TTC6: variants seen among roughly 807,000 people sequenced by gnomAD.
TTC6 encodes tetratricopeptide repeat domain 6.
Under a neutral mutation model 210.4 loss-of-function variants are expected in TTC6, and 172 were observed. That is an observed-to-expected ratio of 0.82 (90% CI 0.72 to 0.93). The LOEUF (loss-of-function observed/expected upper bound fraction) is 0.93. TTC6 is among the 40% of genes least tolerant of loss of function. The pLI, the probability that TTC6 is intolerant of heterozygous loss-of-function variation, is 0.00. For missense variants in TTC6, 2,414 were observed against 2,318.1 expected (o/e 1.04, Z -0.85); for synonymous variants, 804 against 819.6 (o/e 0.98, Z 0.32).
intron 1 of TTC6, among the ~76,000 whole-genome samples, chr14:37,656,500 GGTGT>G (rs773271218): frequency 7.3e-6 from 1 of 137,188 alleles, no homozygotes; most frequent in African/African-American, 2.8e-5. Flanking sequence ...AACCTAGTCA[GGTGT>G]GTGTGTGTGC....
At chr14:37,714,361 A>C (rs2095849163) in intron 5 of TTC6, among the ~76,000 whole-genome samples, 1 of 143,386 alleles carries the variant, frequency 7.0e-6, no homozygotes, top group Non-Finnish European at 1.6e-5. Flanking sequence ...AAGGTAAAGA[A>C]GTTTTTTTTT....
chr14:37,826,244 A>C (rs776399606), exon 28 of TTC6: 6 of 1,612,060 alleles, frequency 3.7e-6, no homozygotes, highest in Middle Eastern at 3.3e-4. Flanking sequence ...ATTGCCATAG[A>C]TACTGATCCA....
chr14:37,760,503 T>A (rs962384738), intron 14 of TTC6, among the ~76,000 whole-genome samples: 8 of 152,212 alleles, frequency 5.3e-5, no homozygotes, highest in Admixed American at 5.2e-4. Flanking sequence ...GGAGGCAGTC[T>A]GTCCCTTAGC....
At chr14:37,733,498 T>C (rs2095893441) in intron 7 of TTC6, among the ~76,000 whole-genome samples, 1 of 152,182 alleles carries the variant, frequency 6.6e-6, no homozygotes, top group Non-Finnish European at 1.5e-5. Flanking sequence ...TTTATCTGAG[T>C]ATAATATATT....
chr14:37,624,788 ATTTTTTGTAT>A (rs1411836506), intron 1 of TTC6, among the ~76,000 whole-genome samples: 1 of 151,746 alleles, frequency 6.6e-6, no homozygotes, highest in Admixed American at 6.6e-5. Flanking sequence ...TGCCCGGCTA[ATTTTTTGTAT>A]TTTTAGTAGA....
exon 14 of TTC6, chr14:37,753,218 C>T (rs1377990912): frequency 1.3e-6 from 2 of 1,529,886 alleles, no homozygotes; most frequent in South Asian, 2.4e-5. Flanking sequence ...ATATAGATCA[C>T]CAAAATTCTC....
intron 3 of TTC6, among the ~76,000 whole-genome samples, chr14:37,693,639 A>C (rs940612905): frequency 6.6e-6 from 1 of 152,216 alleles, no homozygotes. Flanking sequence ...AACCCCAAAC[A>C]AATAAAAACA....
intron 2 of TTC6, among the ~76,000 whole-genome samples, chr14:37,613,691 T>C (rs1018322589): frequency 2.0e-5 from 3 of 152,046 alleles, no homozygotes; most frequent in Admixed American, 1.3e-4. Context: ...TTATGTTAAT[T>C]TTGGTAAGTT....
chr14:37,737,553 T>G (rs2095905130), intron 8 of TTC6, 107 bp from the exon 11 acceptor site: 2 of 539,372 alleles, frequency 3.7e-6, no homozygotes, highest in African/African-American at 1.9e-5. Context: ...TCAGTATTTC[T>G]GAATTTCATT....
intron 5 of TTC6, among the ~76,000 whole-genome samples, chr14:37,701,727 C>T (rs1250202687): frequency 1.3e-5 from 2 of 152,146 alleles, no homozygotes; most frequent in African/African-American, 2.4e-5. Context: ...TAACATGAAC[C>T]CATTCCCAAT....
At chr14:37,604,051 C>T (rs2095620729) in intron 1 of TTC6, among the ~76,000 whole-genome samples, 1 of 152,206 alleles carries the variant, frequency 6.6e-6, no homozygotes, top group South Asian at 2.1e-4. Context: ...CATGTAGTGT[C>T]AGGGGCTGCT....
chr14:37,836,860 G>C (rs1386498682), intron 29 of TTC6, among the ~76,000 whole-genome samples: 2 of 152,160 alleles, frequency 1.3e-5, no homozygotes, highest in African/African-American at 2.4e-5. Context: ...GTTAAAAAAT[G>C]TATGTAATCT....
intron 29 of TTC6, among the ~76,000 whole-genome samples, chr14:37,830,387 T>G (rs2096181877): frequency 6.6e-6 from 1 of 152,060 alleles, no homozygotes; most frequent in Non-Finnish European, 1.5e-5. Flanking sequence ...AGATAAGTGT[T>G]GTTGAATTCA....
intron 2 of TTC6, among the ~76,000 whole-genome samples, chr14:37,614,144 G>A (rs866624815): frequency 6.6e-6 from 1 of 151,932 alleles, no homozygotes; most frequent in Non-Finnish European, 1.5e-5. Context: ...CTGATATGTT[G>A]TGTTTTCATT....
chr14:37,620,488 A>G (rs1017056563), upstream of TTC6, among the ~76,000 whole-genome samples: 1 of 151,954 alleles, frequency 6.6e-6, no homozygotes, highest in Non-Finnish European at 1.5e-5. Flanking sequence ...TCGTTTTTCT[A>G]ACTCTCTGAT....
Position 37,826,101 on chromosome 14 carries a change from C to T in TTC6, c.4975-94C>T, listed in dbSNP as rs552117206. ...AGATTTAGCATGGCATAAATATACC[C>T]TTACTAAAGGTTTTATTTGATGGAG... is the stretch of plus-strand genomic sequence containing the variant. On this transcript the variant is annotated intron_variant, in intron 27 of 30. Transcript: ENST00000553443. The T allele has an allele frequency of 9.2e-6, 12 of 1,300,856 alleles. No individual in the cohort carries two copies. In the African/African-American group the frequency reaches 1.3e-4, roughly 15 times the overall value. 80.6% of individuals were successfully genotyped at this position (1,300,856 alleles called of 1,614,324 possible). A position where few individuals can be genotyped will look rare whatever the true frequency, so the allele number is the denominator to read the frequency against.
At chr14:37,631,979 C>T (rs1426169455) in intron 1 of TTC6, among the ~76,000 whole-genome samples, 1 of 152,040 alleles carries the variant, frequency 6.6e-6, no homozygotes, top group Non-Finnish European at 1.5e-5. Context: ...CATTTATGTT[C>T]TTCTCTAAAC....
intron 25 of TTC6, among the ~76,000 whole-genome samples, chr14:37,813,654 T>TAAGATCTG (rs1165598041): frequency 2.6e-5 from 4 of 152,140 alleles, no homozygotes; most frequent in Non-Finnish European, 5.9e-5. Context: ...AGTACTGGGG[T>TAAGATCTG]AAGATCTGAA....
chr14:37,629,779 C>A (rs1359460567), intron 1 of TTC6, among the ~76,000 whole-genome samples: 1 of 152,114 alleles, frequency 6.6e-6, no homozygotes, highest in African/African-American at 2.4e-5. Flanking sequence ...GAGATACGTC[C>A]CATCAATACC....
Sources: allele counts gnomAD v4.1 joint callset (sites outside exome capture counted in the v4.1 genomes callset), GRCh38; gene constraint gnomAD v4.1.1; transcripts MANE v1.5; gene names NCBI Gene and HGNC (gene_info 2026-07-23, HGNC 2026-07-21).